CACNG1: variants seen among roughly 807,000 people sequenced by gnomAD.
CACNG1 encodes the protein voltage-dependent calcium channel gamma-1 subunit.
Under a neutral mutation model 22.0 loss-of-function variants are expected in CACNG1, and 21 were observed. That is an observed-to-expected ratio of 0.95 (90% CI 0.68 to 1.37). The LOEUF (loss-of-function observed/expected upper bound fraction) is 1.37. Among genes scored for constraint, CACNG1 ranks in the 40% most tolerant of loss-of-function variants. CACNG1 has a pLI of 0.00. For missense variants in CACNG1, 291 were observed against 308.6 expected, an observed-to-expected ratio of 0.94 and a Z score of 0.43; for synonymous variants, 127 against 129.2, an observed-to-expected ratio of 0.98 and a Z score of 0.12.
intron 1 of CACNG1, among the ~76,000 whole-genome samples, chr17:67,053,667 C>CT (rs1192118276): frequency 6.6e-6 from 1 of 152,212 alleles, no homozygotes. Context: ...ATTGTGCACC[C>CT]TGCACACCCT....
At chr17:67,046,666 G>A (rs2035699154) in intron 1 of CACNG1, among the ~76,000 whole-genome samples, 1 of 152,096 alleles carries the variant, frequency 6.6e-6, no homozygotes, top group Non-Finnish European at 1.5e-5. Context: ...GGGCAGGGCA[G>A]GGCAGGGCAG....
rs746008806 is a variant in CACNG1, at chr17:67,044,867, C to A, written c.207C>A (p.Cys69Ter). ...KRIPMDDSKT[C>*]GPITLPGEKN... ...TCCCCATGGACGACAGCAAGACCTG[C>A]GGGCCCATCACCCTGCCCGGGGGTA... The change falls in exon 1 of 4, where the codon TGC becomes TGA. Residue 69 changes from cysteine to a stop codon, truncating the protein, a stop_gained. Coordinates refer to ENST00000226021, the MANE Select transcript of CACNG1 (RefSeq NM_000727.4). LOFTEE classifies it high-confidence loss of function. This position sits in a 1 kb window ranked among gnomAD's most constrained non-coding sequence, Gnocchi z 6.9. 2 of 1,612,854 alleles carry A rather than the reference C, an allele frequency of 1.2e-6. No homozygotes were observed. Among genetic ancestry groups the A allele is most frequent in the East Asian group, 4.5e-5 (2 of 44,880 alleles).
intron 1 of CACNG1, among the ~76,000 whole-genome samples, chr17:67,052,910 G>A (rs184529419): frequency 3.4e-4 from 52 of 152,120 alleles, no homozygotes; most frequent in Non-Finnish European, 6.9e-4. Flanking sequence ...AAAGTGCTGG[G>A]ATTACAGGTG....
chr17:67,046,258 A>T (rs2035696488), intron 1 of CACNG1, among the ~76,000 whole-genome samples: 1 of 152,214 alleles, frequency 6.6e-6, no homozygotes, highest in Admixed American at 6.5e-5. Context: ...AGTGGAGCAG[A>T]GTGATGTCAG....
chr17:67,053,199 T>C (rs1364401951), intron 1 of CACNG1, among the ~76,000 whole-genome samples: 2 of 152,136 alleles, frequency 1.3e-5, no homozygotes, highest in Admixed American at 1.3e-4. Flanking sequence ...TGAAACCACA[T>C]GATGGTCACA....
intron 1 of CACNG1, among the ~76,000 whole-genome samples, chr17:67,045,490 T>G (rs1254284586): frequency 6.6e-6 from 1 of 151,402 alleles, no homozygotes; most frequent in Non-Finnish European, 1.5e-5. Flanking sequence ...AGGACATGGC[T>G]GTAGGCTGTA....
intron 1 of CACNG1, among the ~76,000 whole-genome samples, chr17:67,051,788 C>G (rs1187135348): frequency 6.6e-6 from 1 of 152,252 alleles, no homozygotes; most frequent in African/African-American, 2.4e-5. Flanking sequence ...TGGCGTTTAT[C>G]TGGTGGGGAT....
rs2035687277 is a variant in CACNG1 at position 67,044,922 on chromosome 17, C to T, written c.229+33C>T. The T allele has an allele frequency of 1.3e-6, 2 of 1,541,872 alleles. No individual in the cohort carries two copies. Among genetic ancestry groups the T allele is most frequent in the South Asian group, 2.3e-5 (2 of 87,810 alleles). ...ACCCACCCTCCGTCCCGATCCCCAC[C>T]TCCTGCTCTTCCCCGTCATCCCCCT... On this transcript the variant is annotated intron_variant, in intron 1 of 3. Coordinates refer to ENST00000226021, the MANE Select transcript of CACNG1 (RefSeq NM_000727.4). The surrounding 1 kb of genome is among the most constrained non-coding windows in gnomAD (Gnocchi z 6.9).
intron 1 of CACNG1, among the ~76,000 whole-genome samples, chr17:67,052,558 A>C (rs1210839446): frequency 6.6e-6 from 1 of 152,232 alleles, no homozygotes; most frequent in African/African-American, 2.4e-5. Context: ...GAAGTGAAGA[A>C]ATGAATTGGC....
intron 1 of CACNG1, among the ~76,000 whole-genome samples, chr17:67,051,286 T>C (rs1164939507): frequency 2.6e-5 from 4 of 152,150 alleles, no homozygotes; most frequent in Non-Finnish European, 5.9e-5. Flanking sequence ...AACAGGACCC[T>C]GCACCCTCTT....
Position 67,054,021 on chromosome 17 carries a change from T to C in CACNG1, c.255T>C (p.His85=), listed in dbSNP as rs2035743155. The C allele has an allele frequency of 5.0e-6, 8 of 1,614,102 alleles. No homozygotes were observed. The highest frequency in any genetic ancestry group is 6.8e-6 in the Non-Finnish European group (8 of 1,179,958). Reference sequence around the variant, plus strand: ...AGAAGAACTGTTCCTACTTCAGGCATTTTAACCCCGGCGAGAGCTCGGAGA... The same window carrying C: ...AGAAGAACTGTTCCTACTTCAGGCACTTTAACCCCGGCGAGAGCTCGGAGA... ...PGEKNCSYFR[H]FNPGESSEIF... Residue 85 remains histidine, a synonymous_variant, in exon 2 of 4, where the codon CAT becomes CAC. Transcript: ENST00000226021. The surrounding 1 kb of genome is among the most constrained non-coding windows in gnomAD (Gnocchi z 4.6).
Sources: allele counts gnomAD v4.1 joint callset (sites outside exome capture counted in the v4.1 genomes callset), GRCh38; gene constraint gnomAD v4.1.1; non-coding constraint Gnocchi (gnomAD v3.1); transcripts MANE v1.5; gene names NCBI Gene and HGNC (gene_info 2026-07-23, HGNC 2026-07-21).